The following FAT3 variants were observed in gnomAD, a reference collection of about 807,000 sequenced individuals.
FAT3 encodes the protein protocadherin Fat 3.
Under a neutral mutation model 310.2 loss-of-function variants are expected in FAT3, and 95 were observed. The ratio of observed to expected loss-of-function variants is 0.31; its 90% CI spans 0.26 to 0.36. The LOEUF is 0.36. FAT3 is among the 10% of genes least tolerant of loss of function. The pLI, the probability that FAT3 is intolerant of heterozygous loss-of-function variation, is 1.00. For missense variants in FAT3, 5,408 were observed against 5,715.6 expected, an observed-to-expected ratio of 0.95 and a Z score of 1.74; for synonymous variants, 2,314 against 2,192.9, an observed-to-expected ratio of 1.06 and a Z score of -1.54.
At chr11:92,461,375 A>T (rs747390190) in intron 2 of FAT3, among the ~76,000 whole-genome samples, 13 of 152,314 alleles carry the variant, frequency 8.5e-5, no homozygotes, top group Admixed American at 2.6e-4. Context: ...GTAATGATAG[A>T]CAAAATCAGA....
intron 1 of FAT3, among the ~76,000 whole-genome samples, chr11:92,331,484 G>A (rs566667490): frequency 1.3e-5 from 2 of 152,204 alleles, no homozygotes; most frequent in Non-Finnish European, 2.9e-5. Context: ...CAGGGCAGGT[G>A]TGGAGTGTTA....
Position 92,844,852 on chromosome 11 carries a change from T to G in FAT3, c.11365+120T>G. 2.5e-6 allele frequency: 3 copies of G among 1,213,750 alleles called. No individual in the cohort carries two copies. In the South Asian group the frequency reaches 4.8e-5, roughly 19 times the overall value. 75.2% of individuals were successfully genotyped at this position (1,213,750 alleles called of 1,614,324 possible). A position where few individuals can be genotyped will look rare whatever the true frequency, so the allele number is the denominator to read the frequency against. On this transcript the variant is annotated intron_variant, in intron 19 of 27. Transcript: ENST00000525166. ...AACTAAATATTAAATGATCAATTAC[T>G]GTGTGCCCAAAAGCCATGATAGATG...
At chr11:92,818,760 G>A (rs1204027326) in intron 13 of FAT3, among the ~76,000 whole-genome samples, 1 of 152,188 alleles carries the variant, frequency 6.6e-6, no homozygotes, top group Non-Finnish European at 1.5e-5. Flanking sequence ...GCATCAGTGT[G>A]AGATTGGCCC....
At chr11:92,884,596 A>G (rs1225254152) in intron 24 of FAT3, among the ~76,000 whole-genome samples, 3 of 152,194 alleles carry the variant, frequency 2.0e-5, no homozygotes, top group Non-Finnish European at 4.4e-5. Context: ...GGAGCTAGAG[A>G]CCATGGGCAG....
At position 92,352,292 on chromosome 11, in the gene FAT3, C is replaced by T. The variant is rs770532545; in HGVS notation, c.180C>T (p.Thr60=). The change falls in exon 2 of 28, where the codon ACC becomes ACT. Residue 60 remains threonine (T), a synonymous_variant. Transcript: ENST00000525166. ...TGTATGAGAACTCAGCAGCAAGGAC[C>T]TACGTCAACAGCCAGAGTAGAATGG... ...ATVYENSAAR[T]YVNSQSRMGI... 1 of 1,493,252 alleles carries T rather than the reference C, an allele frequency of 6.7e-7. No individual in the cohort carries two copies. Among genetic ancestry groups the T allele is most frequent in the Non-Finnish European group, 9.1e-7 (1 of 1,104,252 alleles). The allele number at this position is 1,493,252 out of a possible 1,614,324, so 92.5% of individuals were successfully genotyped here. A position where few individuals can be genotyped will look rare whatever the true frequency, so the allele number is the denominator to read the frequency against.
intron 6 of FAT3, among the ~76,000 whole-genome samples, chr11:92,770,102 C>T (rs1490608341): frequency 1.3e-5 from 2 of 152,142 alleles, no homozygotes; most frequent in African/African-American, 4.8e-5. Context: ...ATCAGGGTGA[C>T]CCTTGCTCCA....
intron 23 of FAT3, among the ~76,000 whole-genome samples, chr11:92,882,418 A>G (rs900891705): frequency 8.6e-5 from 13 of 152,004 alleles, no homozygotes; most frequent in Non-Finnish European, 1.8e-4. Context: ...AGCATCTGTT[A>G]TTCTTTCTCT....
At chr11:92,230,212 C>T (rs1864109215) in intron 1 of FAT3, among the ~76,000 whole-genome samples, 1 of 145,200 alleles carries the variant, frequency 6.9e-6, no homozygotes, top group Admixed American at 7.1e-5. Context: ...TTTTAAAATT[C>T]TGTAAAGTCA....
chr11:92,582,327 T>C (rs1429250843), intron 3 of FAT3, among the ~76,000 whole-genome samples: 1 of 151,924 alleles, frequency 6.6e-6, no homozygotes, highest in African/African-American at 2.4e-5. Context: ...TCAGCCTCAT[T>C]TTACCCAGCT....
At chr11:92,823,462 C>G (rs1357816592) in intron 13 of FAT3, among the ~76,000 whole-genome samples, 1 of 152,168 alleles carries the variant, frequency 6.6e-6, no homozygotes, top group Non-Finnish European at 1.5e-5. Context: ...TGCAGTCAAA[C>G]AGAACTCCTT....
At chr11:92,532,512 G>T (rs1006037409) in intron 3 of FAT3, among the ~76,000 whole-genome samples, 3 of 152,022 alleles carry the variant, frequency 2.0e-5, no homozygotes, top group African/African-American at 7.2e-5. Flanking sequence ...CTGACTCCAG[G>T]TTCTTTGTAT....
chr11:92,868,629 G>A (rs1452979102), intron 22 of FAT3, among the ~76,000 whole-genome samples: 1 of 152,134 alleles, frequency 6.6e-6, no homozygotes, highest in African/African-American at 2.4e-5. Flanking sequence ...CAAATGCTGG[G>A]TACATAGCCA....
chr11:92,746,591 A>G (rs1273208934), intron 4 of FAT3, among the ~76,000 whole-genome samples: 2 of 152,216 alleles, frequency 1.3e-5, no homozygotes, highest in East Asian at 3.9e-4. Flanking sequence ...AAGTCCCCCA[A>G]AGTCTTAATT....
chr11:92,288,067 G>T (rs1649109537), intron 1 of FAT3, among the ~76,000 whole-genome samples: 1 of 152,064 alleles, frequency 6.6e-6, no homozygotes, highest in South Asian at 2.1e-4. Context: ...GTTGAAAAAG[G>T]TTAAGGCGTG....
In FAT3 at chr11:92,792,902, T is replaced by C; in HGVS notation, c.4747T>C (p.Ser1583Pro). ...ASVFESAALG[S>P]AVLQVTALDK... ...TGTGTTTGAATCTGCTGCTCTGGGA[T>C]CAGCTGTTCTGCAAGTGACGGCTCT... The change falls in exon 9 of 28, where the codon TCA becomes CCA. Residue 1583 changes from serine (S) to proline (P), a missense_variant. Physicochemically the swap from Ser to Pro is moderately conservative, Grantham distance 74. Around this residue, in one of 5 missense-constraint regions of FAT3, gnomAD observed 4,588 missense variants for 4,809.8 expected, o/e 0.95. Transcript: ENST00000525166. The C allele has an allele frequency of 1.2e-6, 2 of 1,613,786 alleles. No individual in the cohort carries two copies. The highest frequency in any genetic ancestry group is 1.7e-6 in the Non-Finnish European group (2 of 1,179,794).
At chr11:92,432,985 A>G (rs1950829438) in intron 2 of FAT3, among the ~76,000 whole-genome samples, 1 of 152,136 alleles carries the variant, frequency 6.6e-6, no homozygotes, top group South Asian at 2.1e-4. Flanking sequence ...TTGCGGCACT[A>G]CGTTGGGCTC....
chr11:92,520,446 T>C (rs1381030205), intron 2 of FAT3, among the ~76,000 whole-genome samples: 1 of 152,088 alleles, frequency 6.6e-6, no homozygotes, highest in Non-Finnish European at 1.5e-5. Flanking sequence ...AACTTACCAA[T>C]TGTTTGTTTT....
At chr11:92,684,159 C>G (rs1001077232) in intron 3 of FAT3, among the ~76,000 whole-genome samples, 3 of 152,154 alleles carry the variant, frequency 2.0e-5, no homozygotes, top group Non-Finnish European at 4.4e-5. Flanking sequence ...ATGAAAATGT[C>G]TTTTAATCTG....
intron 3 of FAT3, among the ~76,000 whole-genome samples, chr11:92,643,426 A>G (rs1249181977): frequency 6.6e-6 from 1 of 152,172 alleles, no homozygotes; most frequent in Non-Finnish European, 1.5e-5. Context: ...TAGGTTTTTC[A>G]TGTAGTGAGA....
Sources: allele counts gnomAD v4.1 joint callset (sites outside exome capture counted in the v4.1 genomes callset), GRCh38; gene constraint gnomAD v4.1.1; regional missense constraint gnomAD v4.1.1; transcripts MANE v1.5; gene names NCBI Gene and HGNC (gene_info 2026-07-23, HGNC 2026-07-21).